The following ATP6V1G1 variants were observed in gnomAD, a reference collection of about 807,000 sequenced individuals.
The protein encoded by ATP6V1G1 is ATPase H+ transporting V1 subunit G1, also known as V-type proton ATPase subunit G 1.
Under a neutral mutation model 14.2 loss-of-function variants are expected in ATP6V1G1, and 14 were observed. The observed-to-expected ratio is 0.99, with a 90% CI of 0.65 to 1.55. ATP6V1G1 has a LOEUF of 1.55. ATP6V1G1 is among the 40% of genes most tolerant of loss of function. The probability of loss-of-function intolerance (pLI) is 0.00; values close to 1 mark genes in which losing one functional copy is unlikely to be tolerated. For missense variants in ATP6V1G1, 137 were observed against 146.4 expected, an observed-to-expected ratio of 0.94 and a Z score of 0.33; for synonymous variants, 65 against 53.3, an observed-to-expected ratio of 1.22 and a Z score of -0.96.
chr9:114,596,097 T>C (rs540192540), intron 2 of ATP6V1G1, among the ~76,000 whole-genome samples: 1 of 151,974 alleles, frequency 6.6e-6, no homozygotes, highest in South Asian at 2.1e-4. Flanking sequence ...TAAGAGAAAC[T>C]GAAGAGGTAA....
intron 1 of ATP6V1G1, among the ~76,000 whole-genome samples, chr9:114,589,000 A>G (rs567053032): frequency 6.6e-6 from 1 of 152,308 alleles, no homozygotes; most frequent in African/African-American, 2.4e-5. Flanking sequence ...CAGAAGCAGC[A>G]TGATGTCTTT....
At chr9:114,594,240 T>G (rs1012175929) in intron 2 of ATP6V1G1, among the ~76,000 whole-genome samples, 11 of 152,000 alleles carry the variant, frequency 7.2e-5, no homozygotes, top group African/African-American at 2.7e-4. Context: ...CGGCTAAATT[T>G]GTATTTTTAG....
chr9:114,596,139 A>AG (rs1845234988), intron 2 of ATP6V1G1, among the ~76,000 whole-genome samples: 1 of 152,058 alleles, frequency 6.6e-6, no homozygotes. Flanking sequence ...GGTAATAAAA[A>AG]GGGGCAGGCT....
intron 1 of ATP6V1G1, among the ~76,000 whole-genome samples, chr9:114,590,758 A>ATT (rs963175214): frequency 6.6e-6 from 1 of 151,190 alleles, no homozygotes; most frequent in South Asian, 2.1e-4. Flanking sequence ...TGGACCTTAA[A>ATT]TTTTTTTTAT....
Position 114,587,908 on chromosome 9 carries a change from GA to G in ATP6V1G1, c.71del (p.Glu24GlyfsTer10). The G allele has an allele frequency of 6.3e-7, 1 of 1,580,170 alleles. No individual in the cohort carries two copies. Among genetic ancestry groups the G allele is most frequent in the South Asian group, 1.2e-5 (1 of 86,282 alleles). ...GAAGCGGGCAGCCGAGAAGGTGTCC[GA>G]GGCCCGCAAAAGTGAGTTTCAGGGT... is the stretch of plus-strand genomic sequence containing the variant. ...AEKRAAEKVS[E>X]ARKRKNRRLK... On this transcript the variant is annotated frameshift_variant, in exon 1 of 3. Transcript: ENST00000374050. LOFTEE classifies it high-confidence loss of function.
At chr9:114,594,309 T>C (rs1485991254) in intron 2 of ATP6V1G1, among the ~76,000 whole-genome samples, 1 of 152,066 alleles carries the variant, frequency 6.6e-6, no homozygotes, top group Non-Finnish European at 1.5e-5. Flanking sequence ...CCGCAGGTGA[T>C]CTGCCTGCCC....
At chr9:114,588,225 C>G (rs191603512) in intron 1 of ATP6V1G1, 1 of 389,778 alleles carries the variant, frequency 2.6e-6, no homozygotes, top group African/African-American at 2.1e-5. Context: ...TCCCACTTAA[C>G]CGCTCTGGGG....
At chr9:114,592,735 A>C in intron 2 of ATP6V1G1, 83 bp downstream of exon 2, 22 of 1,404,548 alleles carry the variant, frequency 1.6e-5, no homozygotes, top group Non-Finnish European at 1.8e-5. Flanking sequence ...AGCATAGCTC[A>C]GAGATCCTGG....
At chr9:114,590,699 GCA>G (rs1381530390) in intron 1 of ATP6V1G1, among the ~76,000 whole-genome samples, 1 of 151,880 alleles carries the variant, frequency 6.6e-6, no homozygotes, top group Non-Finnish European at 1.5e-5. Flanking sequence ...TTGGGAAGAG[GCA>G]GTATATAAAA....
At chr9:114,588,097 C>T in intron 1 of ATP6V1G1, 177 bp downstream of exon 1, 3 of 671,740 alleles carry the variant, frequency 4.5e-6, no homozygotes, top group East Asian at 5.5e-5. Flanking sequence ...TGCGGATCGC[C>T]TGGAAGCCAC....
chr9:114,593,191 A>G (rs1195764270), intron 2 of ATP6V1G1, among the ~76,000 whole-genome samples: 1 of 152,244 alleles, frequency 6.6e-6, no homozygotes, highest in Admixed American at 6.5e-5. Flanking sequence ...ACAATTGTGG[A>G]AAGGGGAAAG....
In ATP6V1G1 at chr9:114,597,950, A is replaced by G. The variant is rs1845257862; in HGVS notation, c.*207A>G. On this transcript the variant is annotated 3_prime_UTR_variant, in exon 3 of 3. Coordinates refer to ENST00000374050, the MANE Select transcript of ATP6V1G1 (RefSeq NM_004888.4). Reference sequence around the variant, plus strand: ...TCTAAAGATTTCATCTTTTTACCTCATATTTCTTAGGAATTTAATGGTTAT... The same window carrying G: ...TCTAAAGATTTCATCTTTTTACCTCGTATTTCTTAGGAATTTAATGGTTAT... The G allele has an allele frequency of 5.1e-6, 2 of 390,684 alleles. No homozygotes were observed. The highest frequency in any genetic ancestry group is 4.2e-6 in the Non-Finnish European group (1 of 236,232). The allele number at this position is 390,684 out of a possible 1,614,324, so 24.2% of individuals were successfully genotyped here.
Position 114,587,861 on chromosome 9 carries a change from T to C in ATP6V1G1, c.23T>C (p.Ile8Thr). The C allele has an allele frequency of 6.3e-7, 1 of 1,594,488 alleles. No homozygotes were observed. Among genetic ancestry groups the C allele is most frequent in the Non-Finnish European group, 8.5e-7 (1 of 1,171,156 alleles). The part of the protein sequence containing the change: MASQSQG[I>T]QQLLQAEKRA... The stretch of plus-strand genomic sequence containing the variant: ...GCCATGGCTAGTCAGTCTCAGGGGA[T>C]TCAGCAGCTGCTGCAGGCCGAGAAG... The change falls in exon 1 of 3, where the codon ATT becomes ACT. Residue 8 changes from isoleucine (I) to threonine (T), a missense_variant. Physicochemically the swap from Ile to Thr is moderately conservative, Grantham distance 89. Coordinates refer to ENST00000374050, the MANE Select transcript of ATP6V1G1 (RefSeq NM_004888.4).
rs1354013938 is a variant in ATP6V1G1 at position 114,587,902 on chromosome 9, G to A, written c.64G>A (p.Val22Met). 1.3e-6 allele frequency: 2 copies of A among 1,584,532 alleles called. No homozygotes were observed. Among genetic ancestry groups the A allele is most frequent in the South Asian group, 1.2e-5 (1 of 86,718 alleles). ...LQAEKRAAEK[V>M]SEARKRKNRR... ...GGCCGAGAAGCGGGCAGCCGAGAAG[G>A]TGTCCGAGGCCCGCAAAAGTGAGTT... Residue 22 changes from valine to methionine, a missense_variant, in exon 1 of 3, where the codon GTG becomes ATG. Transcript: ENST00000374050.
intron 1 of ATP6V1G1, 140 bp from the exon 2 acceptor site, chr9:114,592,412 G>A: frequency 1.2e-6 from 1 of 827,346 alleles, no homozygotes; most frequent in Non-Finnish European, 1.8e-6. Flanking sequence ...TGTTAGCTCT[G>A]AATTCCCTCT....
intron 2 of ATP6V1G1, among the ~76,000 whole-genome samples, chr9:114,594,479 G>A (rs1845215802): frequency 6.6e-6 from 1 of 151,570 alleles, no homozygotes; most frequent in Non-Finnish European, 1.5e-5. Flanking sequence ...CACCTCCCAG[G>A]TTCAAATGAT....
rs1845192896 is a variant in ATP6V1G1, at chr9:114,592,532, G to A, written c.83-20G>A. Reference sequence around the variant, plus strand: ...CTACTTTTAACCACTTCCTGATATAGCTCTCTCCTTTGAAAACAGGAAAGA... The same window carrying A: ...CTACTTTTAACCACTTCCTGATATAACTCTCTCCTTTGAAAACAGGAAAGA... On this transcript the variant is annotated intron_variant, in intron 1 of 2. Transcript: ENST00000374050. 3 of 1,551,988 alleles carry A rather than the reference G, an allele frequency of 1.9e-6. No homozygotes were observed. Among genetic ancestry groups the A allele is most frequent in the Non-Finnish European group, 2.6e-6 (3 of 1,148,196 alleles).
chr9:114,597,814 T>C lies in ATP6V1G1; in HGVS notation c.*71T>C. On this transcript the variant is annotated 3_prime_UTR_variant, in exon 3 of 3. Coordinates refer to ENST00000374050, the MANE Select transcript of ATP6V1G1 (RefSeq NM_004888.4). The stretch of plus-strand genomic sequence containing the variant: ...ACGAATATGAAGCTTAGCACAGCTC[T>C]AGTTACATTCTTATGATATGGCATT... 7.6e-7 allele frequency: 1 copy of C among 1,311,818 alleles called. No individual in the cohort carries two copies. Among genetic ancestry groups the C allele is most frequent in the Non-Finnish European group, 1.0e-6 (1 of 1,004,128 alleles). The allele number at this position is 1,311,818 out of a possible 1,614,324, so 81.3% of individuals were successfully genotyped here.
intron 1 of ATP6V1G1, among the ~76,000 whole-genome samples, chr9:114,590,260 ATTT>A (rs71492788): frequency 1.5e-5 from 2 of 129,538 alleles, no homozygotes; most frequent in Non-Finnish European, 1.6e-5. Flanking sequence ...TACTTCTCAG[ATTT>A]TTTTTTTTTT....
Sources: allele counts gnomAD v4.1 joint callset (sites outside exome capture counted in the v4.1 genomes callset), GRCh38; gene constraint gnomAD v4.1.1; transcripts MANE v1.5; gene names NCBI Gene and HGNC (gene_info 2026-07-23, HGNC 2026-07-21).